MAPT: variants seen among roughly 807,000 people sequenced by gnomAD.
The protein encoded by MAPT is microtubule-associated protein tau.
A neutral mutation model predicts 67.9 loss-of-function variants in MAPT; 34 were observed. The observed-to-expected ratio is 0.50, with a 90% CI of 0.38 to 0.67. The LOEUF (loss-of-function observed/expected upper bound fraction) is 0.67, where lower values mean the gene tolerates loss of function less well. MAPT is among the 30% of genes least tolerant of loss of function. MAPT has a pLI of 0.00. For synonymous variants in MAPT, 456 were observed against 464.5 expected (o/e 0.98, Z 0.23); for missense variants, 881 against 1,115.2 (o/e 0.79, Z 2.99).
chr17:45,963,232 TA>T (rs2070651526), intron 2 of MAPT, among the ~76,000 whole-genome samples: 1 of 152,244 alleles, frequency 6.6e-6, no homozygotes, highest in Admixed American at 6.5e-5. Context: ...AAACATTCTA[TA>T]ATACCATCTT....
intron 1 of MAPT, among the ~76,000 whole-genome samples, chr17:45,900,737 G>A (rs1361490845): frequency 3.9e-5 from 6 of 152,148 alleles, no homozygotes; most frequent in South Asian, 2.1e-4. Flanking sequence ...GGCTCTGATC[G>A]GGCCTCCTGG....
In MAPT at chr17:45,996,735, G is replaced by T. The variant is rs1598327733; in HGVS notation, c.1998+71G>T. 6.3e-7 allele frequency: 1 copy of T among 1,582,394 alleles called. No individual in the cohort carries two copies. The highest frequency in any genetic ancestry group is 2.3e-5 in the East Asian group (1 of 44,130). On this transcript the variant is annotated intron_variant, in intron 9 of 12. Coordinates refer to ENST00000262410, the MANE Select transcript of MAPT (RefSeq NM_001377265.1). This position sits in a 1 kb window ranked among gnomAD's most constrained non-coding sequence, Gnocchi z 4.5. The stretch of plus-strand genomic sequence containing the variant: ...GAGGGGTAGGGCTGTGCCTGGAAGG[G>T]TAGGGCTGCGCCTGGAGGTGCGCGG...
chr17:45,903,395 A>G (rs2063745527), intron 1 of MAPT, among the ~76,000 whole-genome samples: 1 of 151,970 alleles, frequency 6.6e-6, no homozygotes, highest in African/African-American at 2.4e-5. Context: ...CCTGTCCCCC[A>G]AAAAGAGACT....
chr17:45,947,216 C>T lies in MAPT; in HGVS notation c.-17-15105C>T, dbSNP rs569165524. Among the ~76,000 whole-genome samples, 3 of 151,764 alleles carry T rather than the reference C, an allele frequency of 2.0e-5. No homozygotes were observed. The South Asian group carries it at 6.3e-4, about 32-fold the overall frequency. On this transcript the variant is annotated intron_variant, in intron 1 of 12. Transcript: ENST00000262410. ...CAGTGGCTGCCTGTGTGCTGGGCGC[C>T]ACTTGTGGTGGGCAGGAGAGAGGAG...
chr17:46,004,624 C>T (rs1217789355), intron 9 of MAPT, among the ~76,000 whole-genome samples: 2 of 152,160 alleles, frequency 1.3e-5, no homozygotes, highest in Non-Finnish European at 2.9e-5. Context: ...ATCTAAGATT[C>T]TATAAACGGT....
intron 1 of MAPT, among the ~76,000 whole-genome samples, chr17:45,928,508 A>G (rs1271438356): frequency 2.0e-5 from 3 of 151,980 alleles, no homozygotes. Flanking sequence ...GGACCGTACC[A>G]CTGTACCTAT....
intron 1 of MAPT, among the ~76,000 whole-genome samples, chr17:45,931,189 T>C (rs2066819001): frequency 1.3e-5 from 2 of 152,204 alleles, no homozygotes; most frequent in African/African-American, 4.8e-5. Context: ...TCGTGTGCCA[T>C]GTTATGGAAC....
Position 46,018,740 on chromosome 17 carries a change from G to A in MAPT, c.2286+10G>A. The A allele has an allele frequency of 6.3e-7, 1 of 1,591,050 alleles. No individual in the cohort carries two copies. Among genetic ancestry groups the A allele is most frequent in the Non-Finnish European group, 8.6e-7 (1 of 1,158,998 alleles). On this transcript the variant is annotated intron_variant, in intron 12 of 12. Transcript: ENST00000262410. ...CGGAGGAAATAAAAAGGTAAAGGGG[G>A]TAGGGTGGGTTGGATGCTGCCCTTG...
At chr17:45,987,451 C>A (rs1379957662) in intron 6 of MAPT, among the ~76,000 whole-genome samples, 1 of 124,332 alleles carries the variant, frequency 8.0e-6, no homozygotes, top group Admixed American at 8.4e-5. Flanking sequence ...TAAATGAAGC[C>A]ATCTTCTCAC....
rs36072417 is a variant in MAPT at position 45,984,179 on chromosome 17, A to C, written c.1351+249A>C. Reference sequence around the variant, plus strand: ...GTCACCAGCACCCCCGCTCCGTGCTACCCACCTTGTTTGACTCTCTGGCCA... The same window carrying C: ...GTCACCAGCACCCCCGCTCCGTGCTCCCCACCTTGTTTGACTCTCTGGCCA... On this transcript the variant is annotated intron_variant, in intron 5 of 12. Coordinates refer to ENST00000262410, the MANE Select transcript of MAPT (RefSeq NM_001377265.1). Among the ~76,000 whole-genome samples the C allele has an allele frequency of 0.99, 151,024 of 152,300 alleles. 74,891 individuals are homozygous for C. The highest frequency in any genetic ancestry group is 1 in the East Asian group (5,158 of 5,158).
At chr17:45,978,034 A>G (rs751753804) in intron 3 of MAPT, 1 of 331,454 alleles carries the variant, frequency 3.0e-6, no homozygotes, top group Non-Finnish European at 5.7e-6. Context: ...CTCCACAACC[A>G]TGGCTCAGCA....
chr17:45,932,511 AC>A (rs892577251), intron 1 of MAPT, among the ~76,000 whole-genome samples: 5 of 148,200 alleles, frequency 3.4e-5, no homozygotes, highest in African/African-American at 1.2e-4. Context: ...AATCGCTTGC[AC>A]CTGAGAGGTG....
intron 8 of MAPT, among the ~76,000 whole-genome samples, chr17:45,993,550 A>G (rs997180640): frequency 6.6e-6 from 1 of 152,200 alleles, no homozygotes; most frequent in Non-Finnish European, 1.5e-5. Context: ...AGTAGCTGGG[A>G]CTACAGGCAC....
At chr17:46,007,444 G>A (rs879275739) in intron 9 of MAPT, among the ~76,000 whole-genome samples, 4 of 152,076 alleles carry the variant, frequency 2.6e-5, no homozygotes, top group Non-Finnish European at 4.4e-5. Flanking sequence ...CTACGATGGC[G>A]CCACTGCATT....
At chr17:45,912,876 G>C (rs2064897416) in intron 1 of MAPT, among the ~76,000 whole-genome samples, 1 of 152,226 alleles carries the variant, frequency 6.6e-6, no homozygotes, top group Admixed American at 6.5e-5. Flanking sequence ...GGTTGGAGCT[G>C]TCAGAAAGTG....
chr17:45,920,465 G>A (rs2065594735), intron 1 of MAPT, among the ~76,000 whole-genome samples: 1 of 152,218 alleles, frequency 6.6e-6, no homozygotes, highest in Admixed American at 6.5e-5. Flanking sequence ...GCCACACAGG[G>A]CATTGCGGTG....
chr17:45,991,643 C>T, intron 8 of MAPT, 57 bp downstream of exon 8: 1 of 1,613,264 alleles, frequency 6.2e-7, no homozygotes, highest in Non-Finnish European at 8.5e-7. Flanking sequence ...GAGGTACAGC[C>T]TTCATTTTAG....
chr17:46,008,119 C>T (rs527544427), intron 9 of MAPT, among the ~76,000 whole-genome samples: 1 of 152,188 alleles, frequency 6.6e-6, no homozygotes, highest in African/African-American at 2.4e-5. Flanking sequence ...TATTTTGAGA[C>T]GAAGTCTCAT....
rs747178896 is a variant in MAPT, at chr17:45,983,735, G to C, written c.1156G>C (p.Val386Leu). 1.2e-6 allele frequency: 2 copies of C among 1,614,178 alleles called. No homozygotes were observed. The highest frequency in any genetic ancestry group is 1.7e-5 in the Admixed American group (1 of 60,030). Reference sequence around the variant, plus strand: ...GTTTCACGTGGAAATCACACCCAACGTGCAGAAGGAGCAGGCGCACTCGGA... The same window carrying C: ...GTTTCACGTGGAAATCACACCCAACCTGCAGAAGGAGCAGGCGCACTCGGA... ...FTFHVEITPNVQKEQAHSEEH... is the reference protein window; with the variant it reads ...FTFHVEITPNLQKEQAHSEEH... The change falls in exon 5 of 13, where the codon GTG becomes CTG. Residue 386 changes from valine (V) to leucine (L), a missense_variant. This residue lies in a region of MAPT where 687 missense variants were observed against 766.1 expected (regional missense o/e 0.90). Transcript: ENST00000262410.
Sources: allele counts gnomAD v4.1 joint callset (sites outside exome capture counted in the v4.1 genomes callset), GRCh38; gene constraint gnomAD v4.1.1; regional missense constraint gnomAD v4.1.1; non-coding constraint Gnocchi (gnomAD v3.1); transcripts MANE v1.5; gene names NCBI Gene and HGNC (gene_info 2026-07-23, HGNC 2026-07-21).